PISD: variants seen among roughly 807,000 people sequenced by gnomAD.
The protein encoded by PISD is phosphatidylserine decarboxylase proenzyme, mitochondrial.
A neutral mutation model predicts 43.5 loss-of-function variants in PISD; 31 were observed. That is an observed-to-expected ratio of 0.71 (90% confidence interval 0.54 to 0.96). PISD has a LOEUF of 0.96. Among genes scored for constraint, PISD ranks in the 40% least tolerant of loss-of-function variants. The pLI, the probability that PISD is intolerant of heterozygous loss-of-function variation, is 0.00. For missense variants in PISD, 523 were observed against 548.4 expected (o/e 0.95, Z 0.46); for synonymous variants, 259 against 228.7 (o/e 1.13, Z -1.20).
intron 2 of PISD, among the ~76,000 whole-genome samples, chr22:31,648,492 C>T (rs373485958): frequency 1.1e-4 from 16 of 151,994 alleles, no homozygotes; most frequent in East Asian, 3.9e-4. Context: ...GGTGAAACCC[C>T]GTCTCTACTA....
rs1394625607 is a variant in PISD at position 31,620,898 on chromosome 22, G to A, written c.844+98C>T. The stretch of plus-strand genomic sequence containing the variant: ...AAAGCAGTCAACTCCTGGCCTCAAT[G>A]ACCCTGATCTGGAGCCTGGTCCCCC... On this transcript the variant is annotated intron_variant, in intron 6 of 7. Transcript: ENST00000439502. 2.1e-6 allele frequency: 3 copies of A among 1,440,500 alleles called. No homozygotes were observed. In the East Asian group the frequency reaches 7.3e-5, roughly 35 times the overall value. 89.2% of individuals were successfully genotyped at this position (1,440,500 alleles called of 1,614,324 possible).
intron 3 of PISD, chr22:31,627,906 C>T: frequency 2.2e-6 from 1 of 462,808 alleles, no homozygotes; most frequent in Non-Finnish European, 2.8e-6. Flanking sequence ...GGAATCAAGG[C>T]ACATGAGGCC....
intron 3 of PISD, among the ~76,000 whole-genome samples, chr22:31,645,110 G>GA (rs922323717): frequency 6.6e-6 from 1 of 151,458 alleles, no homozygotes; most frequent in Non-Finnish European, 1.5e-5. Context: ...GACAGAGTGA[G>GA]ACTCCGTCTC....
chr22:31,649,702 A>C (rs748945176), intron 2 of PISD, among the ~76,000 whole-genome samples: 4 of 152,216 alleles, frequency 2.6e-5, no homozygotes, highest in Non-Finnish European at 5.9e-5. Context: ...CACTGCACTC[A>C]GCCTGGGCGA....
chr22:31,648,051 A>G, intron 3 of PISD, 50 bp downstream of exon 3: 9 of 1,495,450 alleles, frequency 6.0e-6, no homozygotes, highest in Non-Finnish European at 7.3e-6. Flanking sequence ...GAAAAGTGAC[A>G]GACAAAGTTT....
At chr22:31,626,114 C>A in intron 3 of PISD, 1 of 1,202,454 alleles carries the variant, frequency 8.3e-7, no homozygotes. Flanking sequence ...AGCCCACTGT[C>A]CCCAGTCCTG....
rs1247759955 is a variant in PISD, at chr22:31,650,788, A to G, written c.66-10T>C. On this transcript the variant is annotated splice_polypyrimidine_tract_variant and intron_variant, in intron 1 of 7. Transcript: ENST00000439502. ...CTCACAGGGATGGAGGCTATAACCA[A>G]GCAAAAATGAACCATTAAATATTAT... 2 of 1,511,102 alleles carry G rather than the reference A, an allele frequency of 1.3e-6. No individual in the cohort carries two copies. The highest frequency in any genetic ancestry group is 2.5e-5 in the East Asian group (1 of 40,746). The allele number at this position is 1,511,102 out of a possible 1,614,324, so 93.6% of individuals were successfully genotyped here.
At chr22:31,659,187 C>G (rs1038164747) in intron 1 of PISD, among the ~76,000 whole-genome samples, 1 of 152,112 alleles carries the variant, frequency 6.6e-6, no homozygotes, top group Non-Finnish European at 1.5e-5. Context: ...CTAGTAGTAA[C>G]ATTTTGCCTA....
At position 31,648,181 on chromosome 22, in the gene PISD, G is replaced by C. The variant is rs553274797; in HGVS notation, c.241C>G (p.Arg81Gly). The C allele has an allele frequency of 3.8e-5, 62 of 1,612,272 alleles. No individual in the cohort carries two copies. The change falls in exon 3 of 8, where the codon CGG becomes GGG. Residue 81 changes from arginine (R) to glycine (G), a missense_variant. By Grantham distance (125) the Arg-to-Gly change is moderately radical (BLOSUM62 -2). Coordinates refer to ENST00000439502, the MANE Select transcript of PISD (RefSeq NM_001326411.2). ...LVTGGGYAGYRQYEKYREREL... is the reference protein window; with the variant it reads ...LVTGGGYAGYGQYEKYREREL... Reference sequence around the variant, plus strand: ...CGCTCCCTGTACTTCTCATACTGCCGGTACCCTGCATACCCGCCGCCTGTC... The same window carrying C: ...CGCTCCCTGTACTTCTCATACTGCCCGTACCCTGCATACCCGCCGCCTGTC...
Position 31,630,830 on chromosome 22 carries a change from C to G in PISD, c.322-8945G>C, listed in dbSNP as rs967466032. 4 of 985,506 alleles carry G rather than the reference C, an allele frequency of 4.1e-6. No homozygotes were observed. Among genetic ancestry groups the G allele is most frequent in the Non-Finnish European group, 4.8e-6 (4 of 829,972 alleles). 61.0% of individuals were successfully genotyped at this position (985,506 alleles called of 1,614,324 possible). A position where few individuals can be genotyped will look rare whatever the true frequency, so the allele number is the denominator to read the frequency against. On this transcript the variant is annotated intron_variant, in intron 3 of 7. Coordinates refer to ENST00000439502, the MANE Select transcript of PISD (RefSeq NM_001326411.2). This position sits in a 1 kb window ranked among gnomAD's most constrained non-coding sequence, Gnocchi z 4.4. Reference sequence around the variant, plus strand: ...CGCAGGTGGCTCCAGCTTCCGGGCTCCGACTCCCTAGGGGCGCTCCCGGAG... The same window carrying G: ...CGCAGGTGGCTCCAGCTTCCGGGCTGCGACTCCCTAGGGGCGCTCCCGGAG...
intron 3 of PISD, among the ~76,000 whole-genome samples, chr22:31,645,875 A>G (rs2073873410): frequency 6.6e-6 from 1 of 150,894 alleles, no homozygotes; most frequent in Non-Finnish European, 1.5e-5. Flanking sequence ...AAAAAAGAAA[A>G]GAAAAACAAA....
chr22:31,619,972 G>A, intron 7 of PISD, 136 bp from the exon 8 acceptor site: 1 of 643,840 alleles, frequency 1.6e-6, no homozygotes, highest in Non-Finnish European at 2.7e-6. Context: ...GGGAGGTGGG[G>A]ATGGCATCTC....
At chr22:31,622,467 GAC>G (rs903922573) in intron 3 of PISD, among the ~76,000 whole-genome samples, 9 of 152,338 alleles carry the variant, frequency 5.9e-5, no homozygotes, top group African/African-American at 2.2e-4. Context: ...CTGAGCTGCA[GAC>G]ACAGGGTCTG....
chr22:31,636,186 C>T (rs1397399341), intron 3 of PISD, among the ~76,000 whole-genome samples: 1 of 152,236 alleles, frequency 6.6e-6, no homozygotes, highest in Non-Finnish European at 1.5e-5. Context: ...CAGGCCACTT[C>T]ACAGGGTTCT....
chr22:31,621,853 C>A lies in PISD; in HGVS notation c.354G>T (p.Leu118Phe). ...TGAGGCGACCCCAGGCCCGTGACAG[C>A]AAGCGCGTTGGCACTGACTTGTACA... ...VALYKSVPTR[L>F]LSRAWGRLNQ... Residue 118 changes from leucine (L) to phenylalanine (F), a missense_variant, in exon 4 of 8, where the codon TTG becomes TTT. Coordinates refer to ENST00000439502, the MANE Select transcript of PISD (RefSeq NM_001326411.2). 1 of 1,611,010 alleles carries A rather than the reference C, an allele frequency of 6.2e-7. No homozygotes were observed. Among genetic ancestry groups the A allele is most frequent in the Non-Finnish European group, 8.5e-7 (1 of 1,180,026 alleles).
At chr22:31,657,033 A>G (rs2074199084) in intron 1 of PISD, among the ~76,000 whole-genome samples, 1 of 152,194 alleles carries the variant, frequency 6.6e-6, no homozygotes, top group Admixed American at 6.6e-5. Context: ...AGCTAGTTTG[A>G]TACAGGCACG....
rs1204145693 is a variant in PISD, at chr22:31,621,358, T to C, written c.673A>G (p.Thr225Ala). ...CCTGGTGGGAAGGGCAGGTCCTCTG[T>C]GCACATACGCGGGCCCAGGAACGAC... ...LESFLGPRMCTEDLPFPPAAS... is the reference protein window; with the variant it reads ...LESFLGPRMCAEDLPFPPAAS... Residue 225 changes from threonine (T) to alanine (A), a missense_variant, in exon 5 of 8, where the codon ACA becomes GCA. Coordinates refer to ENST00000439502, the MANE Select transcript of PISD (RefSeq NM_001326411.2). 10 of 1,613,946 alleles carry C rather than the reference T, an allele frequency of 6.2e-6. 1 individual carries two copies. In the Admixed American group the frequency reaches 8.3e-5, roughly 13 times the overall value.
intron 3 of PISD, chr22:31,638,814 T>A (rs1264883332): frequency 6.6e-6 from 1 of 151,420 alleles, no homozygotes; most frequent in Non-Finnish European, 1.4e-5. Context: ...CCATTTTTTT[T>A]TTCTTTCTTT....
At chr22:31,634,072 C>T (rs375586754) in intron 3 of PISD, among the ~76,000 whole-genome samples, 2 of 152,316 alleles carry the variant, frequency 1.3e-5, no homozygotes, top group East Asian at 3.9e-4. Context: ...AGTCAAGCCA[C>T]CTGTATTCTC....
Sources: allele counts gnomAD v4.1 joint callset (sites outside exome capture counted in the v4.1 genomes callset), GRCh38; gene constraint gnomAD v4.1.1; non-coding constraint Gnocchi (gnomAD v3.1); transcripts MANE v1.5; gene names NCBI Gene and HGNC (gene_info 2026-07-23, HGNC 2026-07-21).